The following SEMA3A variants were observed in gnomAD, a reference collection of about 807,000 sequenced individuals.
The protein encoded by SEMA3A is semaphorin 3A, also known as semaphorin-3A.
Under a neutral mutation model 97.9 loss-of-function variants are expected in SEMA3A, and 29 were observed. The observed-to-expected ratio is 0.30, with a 90% CI of 0.22 to 0.40. The LOEUF (loss-of-function observed/expected upper bound fraction) is 0.40. SEMA3A is among the 10% of genes least tolerant of loss of function. The pLI, the probability that SEMA3A is intolerant of heterozygous loss-of-function variation, is 1.00. For missense variants in SEMA3A, 763 were observed against 951.3 expected (o/e 0.80, Z 2.60); for synonymous variants, 321 against 323.7 (o/e 0.99, Z 0.09).
intron 1 of SEMA3A, among the ~76,000 whole-genome samples, chr7:84,170,229 C>G (rs769533343): frequency 6.6e-6 from 1 of 151,828 alleles, no homozygotes; most frequent in Non-Finnish European, 1.5e-5. Flanking sequence ...TTTAAACACG[C>G]GTTGCTTTAT....
At chr7:84,250,460 A>G (rs1449952615) in intron 3 of SEMA3A, among the ~76,000 whole-genome samples, 1 of 152,124 alleles carries the variant, frequency 6.6e-6, no homozygotes, top group Non-Finnish European at 1.5e-5. Context: ...CTTTACCTTT[A>G]GCAGGGGGAG....
chr7:84,409,585 ACTTACTT>A (rs1481279646), intron 1 of SEMA3A, among the ~76,000 whole-genome samples: 3 of 152,136 alleles, frequency 2.0e-5, no homozygotes. Flanking sequence ...GCTGAAGTTT[ACTTACTT>A]CTCTGAAACG....
chr7:84,031,242 C>T (rs1268643533), intron 6 of SEMA3A, among the ~76,000 whole-genome samples: 5 of 152,012 alleles, frequency 3.3e-5, no homozygotes, highest in African/African-American at 1.2e-4. Context: ...CCACCTGCCT[C>T]AGCCTCCCAA....
chr7:84,417,653 T>C (rs1041661482), intron 1 of SEMA3A, among the ~76,000 whole-genome samples: 19 of 152,146 alleles, frequency 1.2e-4, no homozygotes, highest in African/African-American at 4.6e-4. Flanking sequence ...AATGACTTTT[T>C]CTTATTTATT....
intron 1 of SEMA3A, among the ~76,000 whole-genome samples, chr7:84,163,334 CT>C (rs1450327311): frequency 2.0e-5 from 3 of 151,952 alleles, no homozygotes; most frequent in Non-Finnish European, 4.4e-5. Context: ...TTAAAACACA[CT>C]TTTAAAAAGC....
intron 1 of SEMA3A, among the ~76,000 whole-genome samples, chr7:84,430,711 C>A (rs990679083): frequency 1.3e-5 from 2 of 151,744 alleles, no homozygotes; most frequent in Admixed American, 6.6e-5. Context: ...GAGAGCCAGG[C>A]ATATAATATA....
chr7:84,334,661 C>G (rs1801992987), intron 2 of SEMA3A, among the ~76,000 whole-genome samples: 2 of 151,216 alleles, frequency 1.3e-5, no homozygotes, highest in African/African-American at 4.9e-5. Flanking sequence ...CCTGGTCACC[C>G]CCATGTTCTT....
At chr7:84,084,238 T>C (rs1484574141) in intron 4 of SEMA3A, among the ~76,000 whole-genome samples, 1 of 152,108 alleles carries the variant, frequency 6.6e-6, no homozygotes, top group African/African-American at 2.4e-5. Flanking sequence ...ATTTTCCTAA[T>C]AATGCTTTCA....
At chr7:84,193,594 A>T (rs1798117703) in intron 1 of SEMA3A, among the ~76,000 whole-genome samples, 1 of 152,082 alleles carries the variant, frequency 6.6e-6, no homozygotes, top group Admixed American at 6.6e-5. Flanking sequence ...AAATGTATGT[A>T]TATCATTTTG....
chr7:84,205,941 A>G (rs1363784136), intron 3 of SEMA3A, among the ~76,000 whole-genome samples: 2 of 152,234 alleles, frequency 1.3e-5, no homozygotes, highest in African/African-American at 2.4e-5. Context: ...AGCATGTTGT[A>G]GCTTTAAACA....
intron 2 of SEMA3A, among the ~76,000 whole-genome samples, chr7:84,330,810 C>T (rs547842644): frequency 6.6e-6 from 1 of 152,122 alleles, no homozygotes; most frequent in African/African-American, 2.4e-5. Flanking sequence ...TGGTCCTTCC[C>T]TCATATTCTG....
In SEMA3A at chr7:84,462,575, C is replaced by T. The variant is rs1034879620; in HGVS notation, c.-246+29885G>A. On this transcript the variant is annotated intron_variant, in intron 1 of 3. Coordinates refer to the SEMA3A transcript ENST00000424555. Reference sequence around the variant, plus strand: ...TGGTTTCCCTTAAATCACATTTATTCTTCCTCACAGTCTGGCACTCTTAAT... The same window carrying T: ...TGGTTTCCCTTAAATCACATTTATTTTTCCTCACAGTCTGGCACTCTTAAT... Among the ~76,000 whole-genome samples the T allele has an allele frequency of 3.3e-5, 5 of 152,228 alleles. 1 individual carries two copies. The highest frequency in any genetic ancestry group is 1.3e-4 in the Admixed American group (2 of 15,290).
chr7:84,073,107 T>C (rs1793803690), intron 4 of SEMA3A, among the ~76,000 whole-genome samples: 2 of 152,178 alleles, frequency 1.3e-5, no homozygotes, highest in Non-Finnish European at 2.9e-5. Flanking sequence ...ACTAAAACTA[T>C]TTTATTTTAG....
chr7:84,435,565 G>A (rs192954024), intron 1 of SEMA3A, among the ~76,000 whole-genome samples: 1 of 152,256 alleles, frequency 6.6e-6, no homozygotes, highest in South Asian at 2.1e-4. Context: ...CCAAGATCGG[G>A]CCAATGCCCT....
At chr7:84,245,104 C>T (rs575523342) in intron 3 of SEMA3A, among the ~76,000 whole-genome samples, 15 of 152,088 alleles carry the variant, frequency 9.9e-5, no homozygotes, top group South Asian at 4.2e-4. Context: ...TTGTGGTGCT[C>T]GCTGTATTTC....
intron 3 of SEMA3A, among the ~76,000 whole-genome samples, chr7:84,115,989 A>T (rs183268935): frequency 4.1e-4 from 62 of 152,304 alleles, no homozygotes; most frequent in Admixed American, 2.7e-3. Context: ...CCATAACAGA[A>T]ATCATTACAC....
intron 3 of SEMA3A, among the ~76,000 whole-genome samples, chr7:84,219,207 C>A (rs1391600710): frequency 6.6e-6 from 1 of 152,078 alleles, no homozygotes; most frequent in Non-Finnish European, 1.5e-5. Context: ...ATTCTTATAT[C>A]TAATAATTTT....
At chr7:84,182,540 C>G (rs566592135) in intron 1 of SEMA3A, among the ~76,000 whole-genome samples, 2 of 152,092 alleles carry the variant, frequency 1.3e-5, no homozygotes, top group Non-Finnish European at 2.9e-5. Context: ...CTTCCTTGCT[C>G]AGCCTGTCTC....
intron 1 of SEMA3A, among the ~76,000 whole-genome samples, chr7:84,172,715 T>C (rs9642174): frequency 0.7 from 106,518 of 152,104 alleles, 37,427 homozygotes; most frequent in East Asian, 0.76. Flanking sequence ...CGTGGGCCAC[T>C]GCACCCAGCC....
Sources: allele counts gnomAD v4.1 joint callset (sites outside exome capture counted in the v4.1 genomes callset), GRCh38; gene constraint gnomAD v4.1.1; transcripts MANE v1.5; gene names NCBI Gene and HGNC (gene_info 2026-07-23, HGNC 2026-07-21).